WNT5A: variants seen among roughly 807,000 people sequenced by gnomAD.
WNT5A encodes protein Wnt-5a.
Under a neutral mutation model 42.1 loss-of-function variants are expected in WNT5A, and 9 were observed. The ratio of observed to expected loss-of-function variants is 0.21; its 90% CI spans 0.13 to 0.37. The LOEUF is 0.37. Ranked by LOEUF, WNT5A falls within the 10% of genes least tolerant of loss-of-function variation. WNT5A has a pLI of 1.00. For missense variants in WNT5A, 426 were observed against 534.0 expected (o/e 0.80, Z 1.99); for synonymous variants, 210 against 210.0 (o/e 1.00, Z 0.00).
chr3:55,491,509 A>G (rs1469418042), upstream of WNT5A, among the ~76,000 whole-genome samples: 1 of 152,222 alleles, frequency 6.6e-6, no homozygotes, highest in Non-Finnish European at 1.5e-5. Flanking sequence ...TCCCAACCGG[A>G]TTATTCACAA....
At chr3:55,481,275 C>T (rs2051456411) in intron 1 of WNT5A, 4 of 993,696 alleles carry the variant, frequency 4.0e-6, no homozygotes, top group Non-Finnish European at 4.8e-6. Flanking sequence ...TGCTCAGTCC[C>T]TCCTGGGTAA....
upstream of WNT5A, among the ~76,000 whole-genome samples, chr3:55,490,982 C>T (rs2051652427): frequency 6.6e-6 from 1 of 152,094 alleles, no homozygotes; most frequent in Admixed American, 6.5e-5. Context: ...AGATTATGCC[C>T]CAGGAGCAAT....
chr3:55,499,984 A>ACC, the WNT5A span, among the ~76,000 whole-genome samples: 54 of 146,260 alleles, frequency 3.7e-4, no homozygotes, highest in Middle Eastern at 3.6e-3. Context: ...CCCCTCCAAA[A>ACC]AAAAAAAAAA....
upstream of WNT5A, among the ~76,000 whole-genome samples, chr3:55,491,992 C>T (rs922539958): frequency 1.3e-5 from 2 of 152,200 alleles, no homozygotes; most frequent in South Asian, 4.1e-4. Context: ...GGGGCAAAGG[C>T]TCCTTTGAAA....
At chr3:55,481,950 G>A (rs1010488248) in intron 1 of WNT5A, among the ~76,000 whole-genome samples, 9 of 152,348 alleles carry the variant, frequency 5.9e-5, no homozygotes, top group Admixed American at 2.6e-4. Flanking sequence ...GGGAGGCCCA[G>A]AGAGACTCCA....
chr3:55,498,545 C>T, the WNT5A span, among the ~76,000 whole-genome samples: 1 of 152,190 alleles, frequency 6.6e-6, no homozygotes, highest in Non-Finnish European at 1.5e-5. Flanking sequence ...ATGACAGCTA[C>T]GGAGACAGAG....
At chr3:55,474,141 C>G (rs987905193) in intron 4 of WNT5A, among the ~76,000 whole-genome samples, 196 bp downstream of exon 4, 7 of 151,806 alleles carry the variant, frequency 4.6e-5, no homozygotes, top group Admixed American at 3.3e-4. Context: ...GAGACGGGAA[C>G]AGGATGAGGA....
upstream of WNT5A, chr3:55,488,372 T>A (rs1575409766): frequency 1.3e-5 from 1 of 78,550 alleles, no homozygotes. Flanking sequence ...TCTCCCTCCC[T>A]CTCTCCAGAC....
the WNT5A span, among the ~76,000 whole-genome samples, chr3:55,498,611 C>G: frequency 4.9e-3 from 743 of 152,282 alleles, 11 homozygotes; most frequent in African/African-American, 0.015. Flanking sequence ...TTAAGAGCAC[C>G]TTTGACTCTC....
the WNT5A span, among the ~76,000 whole-genome samples, chr3:55,503,895 G>C: frequency 2.0e-5 from 3 of 152,220 alleles, no homozygotes; most frequent in Admixed American, 6.5e-5. Context: ...GCTGCAGTGA[G>C]CTATGATTGC....
At chr3:55,482,510 G>T (rs1341238179) in intron 1 of WNT5A, among the ~76,000 whole-genome samples, 1 of 152,222 alleles carries the variant, frequency 6.6e-6, no homozygotes, top group Non-Finnish European at 1.5e-5. Context: ...AGGGGCAGAG[G>T]GGACCTAGGC....
At chr3:55,492,587 G>A (rs962757520), upstream of WNT5A, among the ~76,000 whole-genome samples, 1 of 152,174 alleles carries the variant, frequency 6.6e-6, no homozygotes, top group Admixed American at 6.5e-5. Flanking sequence ...AGAGGTAGGG[G>A]CTGGGAAGAG....
the WNT5A span, among the ~76,000 whole-genome samples, chr3:55,498,240 G>C: frequency 6.6e-6 from 1 of 152,052 alleles, no homozygotes; most frequent in Non-Finnish European, 1.5e-5. Context: ...ACCTTTGAAC[G>C]GTGTCACCCA....
the WNT5A span, among the ~76,000 whole-genome samples, chr3:55,504,590 G>T: frequency 6.6e-6 from 1 of 151,368 alleles, no homozygotes; most frequent in African/African-American, 2.4e-5. Context: ...TCACCCTCCC[G>T]AGTAGCTGAG....
chr3:55,482,144 C>T (rs905571062), intron 1 of WNT5A, among the ~76,000 whole-genome samples: 1 of 152,230 alleles, frequency 6.6e-6, no homozygotes, highest in Non-Finnish European at 1.5e-5. Flanking sequence ...TGAGTCCAGA[C>T]GGGGCCAGAG....
intron 4 of WNT5A, among the ~76,000 whole-genome samples, chr3:55,471,929 G>T (rs569451491): frequency 6.6e-6 from 1 of 152,314 alleles, no homozygotes; most frequent in African/African-American, 2.4e-5. Context: ...GGGGGCCAAA[G>T]TGTACTCTCT....
In WNT5A at chr3:55,470,329, G is replaced by T. The variant is rs746302333; in HGVS notation, c.906C>A (p.Ile302=). ...NSPTTQDLVY[I]DPSPDYCVRN... The stretch of plus-strand genomic sequence containing the variant: ...GCACGCAGTAGTCAGGGCTGGGGTC[G>T]ATGTAGACCAGGTCTTGTGTGGTGG... Residue 302 remains isoleucine (I), a synonymous_variant, in exon 5 of 5, where the codon ATC becomes ATA. Coordinates refer to ENST00000264634, the MANE Select transcript of WNT5A (RefSeq NM_003392.7). The T allele has an allele frequency of 6.2e-7, 1 of 1,613,942 alleles. No individual in the cohort carries two copies. Among genetic ancestry groups the T allele is most frequent in the African/African-American group, 1.3e-5 (1 of 74,954 alleles).
At chr3:55,480,948 A>C in intron 1 of WNT5A, 30 bp from the exon 2 acceptor site, 1 of 1,449,500 alleles carries the variant, frequency 6.9e-7, no homozygotes, top group Non-Finnish European at 9.1e-7. Context: ...GCAGATGTTT[A>C]TTGCCTCTCA....
intron 3 of WNT5A, among the ~76,000 whole-genome samples, chr3:55,478,415 T>G (rs1385933907): frequency 6.6e-6 from 1 of 152,200 alleles, no homozygotes; most frequent in Non-Finnish European, 1.5e-5. Flanking sequence ...CTTCTTACTT[T>G]GGGAGTCACT....
Sources: allele counts gnomAD v4.1 joint callset (sites outside exome capture counted in the v4.1 genomes callset), GRCh38; gene constraint gnomAD v4.1.1; transcripts MANE v1.5; gene names NCBI Gene and HGNC (gene_info 2026-07-23, HGNC 2026-07-21).